TRHDE: variants seen among roughly 807,000 people sequenced by gnomAD.
TRHDE encodes thyrotropin releasing hormone degrading enzyme.
A neutral mutation model predicts 125.7 loss-of-function variants in TRHDE; 72 were observed. The ratio of observed to expected loss-of-function variants is 0.57; its 90% CI spans 0.47 to 0.70. TRHDE has a LOEUF of 0.70. TRHDE is among the 30% of genes least tolerant of loss of function. The pLI, the probability that TRHDE is intolerant of heterozygous loss-of-function variation, is 0.00. For missense variants in TRHDE, 1,110 were observed against 1,327.1 expected, an observed-to-expected ratio of 0.84 and a Z score of 2.54; for synonymous variants, 509 against 509.1, an observed-to-expected ratio of 1.00 and a Z score of 0.00.
At chr12:72,232,957 CAA>C (rs753565541) in intron 2 of TRHDE, among the ~76,000 whole-genome samples, 8 of 152,226 alleles carry the variant, frequency 5.3e-5, no homozygotes, top group African/African-American at 4.8e-5. Context: ...CAAACTCTAT[CAA>C]AGCAGGGGAT....
At chr12:72,387,412 C>T (rs1046364310) in intron 3 of TRHDE, among the ~76,000 whole-genome samples, 1 of 152,052 alleles carries the variant, frequency 6.6e-6, no homozygotes, top group African/African-American at 2.4e-5. Context: ...TTCCAACCAC[C>T]ATACTCTTTT....
chr12:72,366,691 CA>C (rs1871352401), intron 2 of TRHDE, among the ~76,000 whole-genome samples: 1 of 151,932 alleles, frequency 6.6e-6, no homozygotes. Flanking sequence ...CCATGGGGCC[CA>C]AAAACCCCCA....
chr12:72,325,721 G>A (rs978214583), intron 2 of TRHDE, among the ~76,000 whole-genome samples: 1 of 152,046 alleles, frequency 6.6e-6, no homozygotes, highest in African/African-American at 2.4e-5. Context: ...TCTTTCTATT[G>A]TAAGGATAAG....
Position 72,499,525 on chromosome 12 carries a change from C to G in TRHDE, c.1612C>G (p.Leu538Val). Residue 538 changes from leucine (L) to valine (V), a missense_variant, in exon 6 of 19, where the codon CTG becomes GTG. This residue lies in a region of TRHDE where 527 missense variants were observed against 651.8 expected (regional missense o/e 0.81). Coordinates refer to ENST00000261180, the MANE Select transcript of TRHDE (RefSeq NM_013381.3). The stretch of plus-strand genomic sequence containing the variant: ...AAAGCAGAGGTTTCTGACCGATGTT[C>G]TGCATGAAGTGATGCTGCTGGACGG... The part of the protein sequence containing the change: ...MEKQRFLTDV[L>V]HEVMLLDGLA... The G allele has an allele frequency of 6.2e-7, 1 of 1,613,718 alleles. No individual in the cohort carries two copies. Among genetic ancestry groups the G allele is most frequent in the Non-Finnish European group, 8.5e-7 (1 of 1,179,806 alleles).
At chr12:72,436,398 G>A (rs1039203737) in intron 3 of TRHDE, among the ~76,000 whole-genome samples, 5 of 151,614 alleles carry the variant, frequency 3.3e-5, no homozygotes, top group Admixed American at 6.6e-5. Flanking sequence ...TGTCCTGTTG[G>A]TTTTTAGACT....
intron 3 of TRHDE, among the ~76,000 whole-genome samples, chr12:72,434,652 C>A (rs1049576127): frequency 3.3e-5 from 5 of 152,060 alleles, no homozygotes; most frequent in African/African-American, 1.2e-4. Context: ...GACAAAATGA[C>A]CTTGTACGTT....
chr12:72,263,740 C>A (rs1879004569), intron 2 of TRHDE: 1 of 152,042 alleles, frequency 6.6e-6, no homozygotes, highest in Admixed American at 6.6e-5. Context: ...TGGTATTTGA[C>A]TGCCTTGGTT....
chr12:72,391,717 G>A (rs1056587930), intron 3 of TRHDE, among the ~76,000 whole-genome samples: 8 of 152,204 alleles, frequency 5.3e-5, no homozygotes, highest in African/African-American at 1.2e-4. Flanking sequence ...GAGATATACC[G>A]TGTCAATTTT....
intron 3 of TRHDE, among the ~76,000 whole-genome samples, chr12:72,440,965 CAA>C (rs1395408706): frequency 6.6e-6 from 1 of 151,808 alleles, no homozygotes; most frequent in African/African-American, 2.4e-5. Context: ...ACTCAATAAA[CAA>C]TACACACTTG....
chr12:72,327,786 C>A (rs1869408097), intron 2 of TRHDE, among the ~76,000 whole-genome samples: 2 of 151,910 alleles, frequency 1.3e-5, no homozygotes, highest in Non-Finnish European at 2.9e-5. Context: ...AAAATTAACA[C>A]CTAAGCTATT....
intron 2 of TRHDE, chr12:72,263,499 T>A (rs1878999377): frequency 6.6e-6 from 1 of 152,114 alleles, no homozygotes; most frequent in Non-Finnish European, 1.5e-5. Context: ...GGATTATAGA[T>A]TAAATGTTAC....
At chr12:72,372,410 A>T (rs1337324386) in intron 2 of TRHDE, among the ~76,000 whole-genome samples, 2 of 151,956 alleles carry the variant, frequency 1.3e-5, no homozygotes, top group Admixed American at 1.3e-4. Flanking sequence ...CCCATTTGTC[A>T]ATTTTGGCTT....
At chr12:72,554,776 T>C (rs1017134994) in intron 7 of TRHDE, among the ~76,000 whole-genome samples, 3 of 152,088 alleles carry the variant, frequency 2.0e-5, no homozygotes, top group Non-Finnish European at 4.4e-5. Flanking sequence ...AAGTGAGAGG[T>C]AGAAATATTT....
At position 72,272,634 on chromosome 12, in the gene TRHDE, A is replaced by C. The variant is rs1427054221; in HGVS notation, c.-10A>C. ...CCAGAGGGGGCGGGGGAGGAGGAGG[A>C]GGCGGTGTGATGGCCCTGGACGGCG... On this transcript the variant is annotated 5_prime_UTR_variant, in exon 1 of 19. Coordinates refer to ENST00000261180, the MANE Select transcript of TRHDE (RefSeq NM_013381.3). This position sits in a 1 kb window ranked among gnomAD's most constrained non-coding sequence, Gnocchi z 6.7. 4 of 954,468 alleles carry C rather than the reference A, an allele frequency of 4.2e-6. No homozygotes were observed. Among genetic ancestry groups the C allele is most frequent in the Non-Finnish European group, 5.9e-6 (4 of 675,304 alleles). 59.1% of individuals were successfully genotyped at this position (954,468 alleles called of 1,614,324 possible). A position where few individuals can be genotyped will look rare whatever the true frequency, so the allele number is the denominator to read the frequency against.
chr12:72,329,358 A>G (rs1869478745), intron 2 of TRHDE, among the ~76,000 whole-genome samples: 2 of 152,234 alleles, frequency 1.3e-5, no homozygotes, highest in South Asian at 4.1e-4. Context: ...TTAGGCTACA[A>G]GAAAATGCCG....
intron 2 of TRHDE, among the ~76,000 whole-genome samples, chr12:72,290,713 T>C (rs983470009): frequency 2.0e-5 from 3 of 152,222 alleles, no homozygotes; most frequent in Non-Finnish European, 4.4e-5. Flanking sequence ...CTGTCAGCCA[T>C]ATATCCACGT....
Position 72,564,529 on chromosome 12 carries a change from T to G in TRHDE, c.2042+1489T>G, listed in dbSNP as rs530633868. On this transcript the variant is annotated intron_variant, in intron 9 of 18. Coordinates refer to ENST00000261180, the MANE Select transcript of TRHDE (RefSeq NM_013381.3). ...ATATTCTGTCAACCTATAACATACA[T>G]CAGATGTACCAGCCAGGAGTCTGAT... Among the ~76,000 whole-genome samples, 4 of 152,038 alleles carry G rather than the reference T, an allele frequency of 2.6e-5. No homozygotes were observed. The South Asian group carries it at 8.3e-4, about 32-fold the overall frequency.
chr12:72,139,440 T>G (rs1192390019), intron 2 of TRHDE, among the ~76,000 whole-genome samples: 1 of 152,228 alleles, frequency 6.6e-6, no homozygotes, highest in Non-Finnish European at 1.5e-5. Flanking sequence ...ATATGTTTTA[T>G]GTAAAATACA....
chr12:72,120,556 T>C (rs1309539176), intron 2 of TRHDE, among the ~76,000 whole-genome samples: 1 of 152,174 alleles, frequency 6.6e-6, no homozygotes, highest in Non-Finnish European at 1.5e-5. Context: ...AATAACATCT[T>C]ATAACCCATT....
Sources: gnomAD v4.1 joint callset for allele counts (sites outside exome capture counted in the v4.1 genomes callset) on GRCh38, gnomAD v4.1.1 for gene constraint, gnomAD v4.1.1 regional missense constraint, Gnocchi (gnomAD v3.1) non-coding constraint, MANE v1.5 for transcripts, NCBI Gene and HGNC (gene_info 2026-07-23, HGNC 2026-07-21) for gene names.